Variants in RBFOX3 observed in about 807,000 individuals in gnomAD.
RBFOX3 encodes the protein RNA binding protein fox-1 homolog 3.
In RBFOX3, 17 loss-of-function variants were observed where a neutral mutation model predicts 48.7. The observed-to-expected ratio is 0.35, with a 90% confidence interval of 0.24 to 0.52. The LOEUF (loss-of-function observed/expected upper bound fraction) is 0.52, where lower values mean the gene tolerates loss of function less well. Ranked by LOEUF, RBFOX3 falls within the 20% of genes least tolerant of loss-of-function variation. The probability of loss-of-function intolerance (pLI) is 0.94; values close to 1 mark genes in which losing one functional copy is unlikely to be tolerated. For synonymous variants in RBFOX3, 212 were observed against 209.5 expected, an observed-to-expected ratio of 1.01 and a Z score of -0.10; for missense variants, 382 against 497.5, an observed-to-expected ratio of 0.77 and a Z score of 2.21.
At chr17:79,624,221 G>T in the RBFOX3 span, among the ~76,000 whole-genome samples, 1 of 152,150 alleles carries the variant, frequency 6.6e-6, no homozygotes. Context: ...AACCACCCCA[G>T]TACAGCTTCC....
intron 4 of RBFOX3, among the ~76,000 whole-genome samples, chr17:79,131,078 T>C (rs984130272): frequency 1.1e-4 from 16 of 150,524 alleles, no homozygotes; most frequent in African/African-American, 4.0e-4. Context: ...GTGCTGCGTG[T>C]CCCGTGTGTG....
At chr17:79,583,180 T>A (rs932625913) in intron 1 of RBFOX3, among the ~76,000 whole-genome samples, 73 of 152,274 alleles carry the variant, frequency 4.8e-4, no homozygotes, top group African/African-American at 1.6e-3. Flanking sequence ...TGGCTCTTCA[T>A]CGACACATGA....
intron 6 of RBFOX3, among the ~76,000 whole-genome samples, chr17:79,104,438 A>C (rs1243351229): frequency 6.6e-6 from 1 of 151,822 alleles, no homozygotes; most frequent in Non-Finnish European, 1.5e-5. Flanking sequence ...TGCCTTGGGG[A>C]GCTTTTACTG....
At chr17:79,624,695 T>C in the RBFOX3 span, among the ~76,000 whole-genome samples, 1 of 152,040 alleles carries the variant, frequency 6.6e-6, no homozygotes, top group Non-Finnish European at 1.5e-5. Context: ...CTTCGGCACT[T>C]CTGGAAGTAA....
intron 2 of RBFOX3, among the ~76,000 whole-genome samples, chr17:79,320,726 C>A (rs945490051): frequency 6.6e-6 from 1 of 151,946 alleles, no homozygotes; most frequent in South Asian, 2.1e-4. Context: ...GGCACCTCAA[C>A]GCAGGAGCCC....
chr17:79,575,610 C>G (rs895153028), intron 1 of RBFOX3, among the ~76,000 whole-genome samples: 2 of 152,184 alleles, frequency 1.3e-5, no homozygotes, highest in South Asian at 4.1e-4. Flanking sequence ...GGAAGACAGT[C>G]GTTTAAGTCC....
the RBFOX3 span, among the ~76,000 whole-genome samples, chr17:79,629,704 T>C: frequency 1.3e-5 from 2 of 152,204 alleles, no homozygotes; most frequent in Admixed American, 1.3e-4. Flanking sequence ...ATTTATGTAC[T>C]AGAATATTTG....
chr17:79,422,338 C>A (rs2066565895), intron 2 of RBFOX3, among the ~76,000 whole-genome samples: 2 of 152,030 alleles, frequency 1.3e-5, no homozygotes, highest in Admixed American at 6.5e-5. Context: ...ACCCCCCTCC[C>A]CACACATTCA....
intron 3 of RBFOX3, among the ~76,000 whole-genome samples, chr17:79,270,391 C>T (rs940477839): frequency 6.6e-6 from 1 of 152,168 alleles, no homozygotes; most frequent in Non-Finnish European, 1.5e-5. Context: ...TCCCTAAAAG[C>T]CTCTCCTCCT....
chr17:79,144,221 T>C (rs2042539440), intron 4 of RBFOX3, among the ~76,000 whole-genome samples: 1 of 152,140 alleles, frequency 6.6e-6, no homozygotes, highest in Non-Finnish European at 1.5e-5. Flanking sequence ...CTGGCATCAG[T>C]GGGTGGCCAA....
At chr17:79,274,735 C>G (rs2068402054) in intron 3 of RBFOX3, among the ~76,000 whole-genome samples, 1 of 152,070 alleles carries the variant, frequency 6.6e-6, no homozygotes, top group South Asian at 2.1e-4. Context: ...CCAGACTTTT[C>G]CACCCCAGGA....
At chr17:79,232,396 T>C (rs1391596436) in intron 4 of RBFOX3, among the ~76,000 whole-genome samples, 1 of 152,168 alleles carries the variant, frequency 6.6e-6, no homozygotes, top group Admixed American at 6.5e-5. Context: ...GCCATAACAA[T>C]CACTGTAATA....
At chr17:79,530,856 G>A (rs2087638428) in intron 1 of RBFOX3, among the ~76,000 whole-genome samples, 1 of 152,262 alleles carries the variant, frequency 6.6e-6, no homozygotes, top group African/African-American at 2.4e-5. Context: ...AAGGGGGTCT[G>A]TTTGCAGCAG....
intron 1 of RBFOX3, among the ~76,000 whole-genome samples, chr17:79,546,693 A>G (rs1186350357): frequency 1.2e-4 from 15 of 127,896 alleles, no homozygotes; most frequent in Non-Finnish European, 2.1e-4. Context: ...TTTTTGAGAC[A>G]CGGTCTCACC....
chr17:79,612,216 C>T (rs1372375605), upstream of RBFOX3, among the ~76,000 whole-genome samples: 1 of 152,210 alleles, frequency 6.6e-6, no homozygotes, highest in Non-Finnish European at 1.5e-5. Flanking sequence ...GCTGGAGAAA[C>T]GAGCCTGCAC....
At position 79,097,710 on chromosome 17, in the gene RBFOX3, C is replaced by A; in HGVS notation, c.604G>T (p.Gly202Trp). 4 of 1,551,158 alleles carry A rather than the reference C, an allele frequency of 2.6e-6. No homozygotes were observed. Among genetic ancestry groups the A allele is most frequent in the Non-Finnish European group, 3.5e-6 (4 of 1,146,798 alleles). ...CTTTTACCTGCATAGAATTCAGGCC[C>A]GTAGACTGCGCCGACCACTGGATTT... ...KLNPVVGAVYGPEFYAVTGFP... is the reference protein window; with the variant it reads ...KLNPVVGAVYWPEFYAVTGFP... The change falls in exon 10 of 15, where the codon GGG becomes TGG. Residue 202 changes from glycine to tryptophan, a missense_variant. Coordinates refer to ENST00000693108, the MANE Select transcript of RBFOX3 (RefSeq NM_001350451.2).
At chr17:79,449,066 T>C (rs9912178) in intron 2 of RBFOX3, among the ~76,000 whole-genome samples, 66,834 of 151,704 alleles carry the variant, frequency 0.44, 14,972 homozygotes, top group South Asian at 0.49. Context: ...GCACAGGTAT[T>C]AGTCAAGAGC....
chr17:79,170,107 A>G (rs1360341300), intron 4 of RBFOX3, among the ~76,000 whole-genome samples: 9 of 122,148 alleles, frequency 7.4e-5, no homozygotes, highest in Admixed American at 4.7e-4. Context: ...AAAGCAGGAA[A>G]GGAGGAGGAA....
At chr17:79,527,004 G>T (rs1404427123) in intron 1 of RBFOX3, among the ~76,000 whole-genome samples, 1 of 152,196 alleles carries the variant, frequency 6.6e-6, no homozygotes, top group African/African-American at 2.4e-5. Flanking sequence ...CCCATGACCA[G>T]TGGCCAATCC....
Sources: gnomAD v4.1 joint callset for allele counts (sites outside exome capture counted in the v4.1 genomes callset) on GRCh38, gnomAD v4.1.1 for gene constraint, MANE v1.5 for transcripts, NCBI Gene and HGNC (gene_info 2026-07-23, HGNC 2026-07-21) for gene names.